Variants in KCNT2 observed in about 807,000 individuals in gnomAD.
KCNT2 encodes potassium sodium-activated channel subfamily T member 2.
A neutral mutation model predicts 153.8 loss-of-function variants in KCNT2; 67 were observed. The ratio of observed to expected loss-of-function variants is 0.44; its 90% CI spans 0.36 to 0.53. The LOEUF (loss-of-function observed/expected upper bound fraction) is 0.53. Among genes scored for constraint, KCNT2 ranks in the 20% least tolerant of loss-of-function variants. The pLI, the probability that KCNT2 is intolerant of heterozygous loss-of-function variation, is 0.00. For synonymous variants in KCNT2, 500 were observed against 458.8 expected (o/e 1.09, Z -1.15); for missense variants, 975 against 1,354.8 (o/e 0.72, Z 4.40).
chr1:196,255,664 T>C (rs1656420176), intron 26 of KCNT2, among the ~76,000 whole-genome samples: 1 of 151,894 alleles, frequency 6.6e-6, no homozygotes, highest in Admixed American at 6.6e-5. Flanking sequence ...AAGTAAAGGA[T>C]ACTTAATCAT....
At chr1:196,578,348 G>C (rs1333477455) in intron 1 of KCNT2, among the ~76,000 whole-genome samples, 1 of 152,140 alleles carries the variant, frequency 6.6e-6, no homozygotes, top group Non-Finnish European at 1.5e-5. Context: ...AAGTCACTCA[G>C]GGAACTGGGA....
intron 27 of KCNT2, 104 bp downstream of exon 27, chr1:196,235,882 C>G (rs1056553538): frequency 3.0e-6 from 2 of 675,466 alleles, no homozygotes; most frequent in African/African-American, 3.7e-5. Context: ...TATTTAAGCA[C>G]TTATAAGAAA....
chr1:196,425,760 G>T, intron 11 of KCNT2, 92 bp downstream of exon 11: 2 of 1,301,130 alleles, frequency 1.5e-6, no homozygotes, highest in Non-Finnish European at 2.2e-6. Context: ...AACACATCTT[G>T]CAACACTGAA....
intron 1 of KCNT2, among the ~76,000 whole-genome samples, chr1:196,534,102 GA>G (rs1001480208): frequency 1.4e-4 from 21 of 145,532 alleles, no homozygotes; most frequent in South Asian, 4.4e-4. Context: ...GATTGGTGGG[GA>G]AAAAAAAAAG....
At chr1:196,254,909 T>C (rs770825912) in intron 26 of KCNT2, among the ~76,000 whole-genome samples, 11 of 151,616 alleles carry the variant, frequency 7.3e-5, no homozygotes, top group Non-Finnish European at 1.5e-4. Context: ...CTGTTAGTTA[T>C]CTTGTTTTAT....
At chr1:196,585,178 C>T (rs553910513) in intron 1 of KCNT2, among the ~76,000 whole-genome samples, 6 of 151,954 alleles carry the variant, frequency 3.9e-5, no homozygotes, top group African/African-American at 9.6e-5. Flanking sequence ...AAATAATAAG[C>T]GCAAAAACTG....
At chr1:196,455,387 TC>T (rs1676573826) in intron 8 of KCNT2, among the ~76,000 whole-genome samples, 3 of 152,020 alleles carry the variant, frequency 2.0e-5, no homozygotes, top group Admixed American at 2.0e-4. Flanking sequence ...TCTTTTGTTT[TC>T]CTACCGGAAG....
intron 1 of KCNT2, among the ~76,000 whole-genome samples, chr1:196,507,631 T>C (rs1476352646): frequency 6.6e-6 from 1 of 152,132 alleles, no homozygotes; most frequent in Non-Finnish European, 1.5e-5. Flanking sequence ...TGCATTACTG[T>C]TTCCCTCATT....
chr1:196,543,336 T>C (rs1391556918), intron 1 of KCNT2, among the ~76,000 whole-genome samples: 1 of 152,128 alleles, frequency 6.6e-6, no homozygotes. Context: ...TAAAGTTTAA[T>C]CTCAGTAAAA....
At chr1:196,522,923 G>A (rs1284813374) in intron 1 of KCNT2, among the ~76,000 whole-genome samples, 1 of 152,198 alleles carries the variant, frequency 6.6e-6, no homozygotes, top group Non-Finnish European at 1.5e-5. Flanking sequence ...CAGGATGTGG[G>A]CAGGGACAAA....
intron 3 of KCNT2, among the ~76,000 whole-genome samples, chr1:196,487,409 A>AGTGTGT (rs56943556): frequency 0.31 from 45,356 of 146,318 alleles, 7,033 homozygotes; most frequent in Admixed American, 0.38. Context: ...CATGTTATGG[A>AGTGTGT]GTGTGTGTGT....
chr1:196,439,552 T>C (rs924104692), intron 8 of KCNT2, among the ~76,000 whole-genome samples: 2 of 151,916 alleles, frequency 1.3e-5, no homozygotes, highest in African/African-American at 2.4e-5. Flanking sequence ...AAATACAACC[T>C]ACAGATAGTA....
intron 1 of KCNT2, among the ~76,000 whole-genome samples, chr1:196,496,297 A>G (rs6657418): frequency 1 from 151,618 of 151,924 alleles, 75,657 homozygotes; most frequent in Middle Eastern, 1. Context: ...GTGAAACCCC[A>G]GCTCTACTAA....
At chr1:196,230,433 T>C (rs765538357) in intron 27 of KCNT2, among the ~76,000 whole-genome samples, 1 of 152,066 alleles carries the variant, frequency 6.6e-6, no homozygotes, top group Non-Finnish European at 1.5e-5. Context: ...AGGCACCTGG[T>C]CACCCAAGAG....
intron 23 of KCNT2, among the ~76,000 whole-genome samples, chr1:196,283,528 CTTATATTA>C (rs1470642925): frequency 6.6e-6 from 1 of 152,012 alleles, no homozygotes; most frequent in African/African-American, 2.4e-5. Context: ...CAGTGCATCT[CTTATATTA>C]TTGGAAAGGT....
Position 196,584,718 on chromosome 1 carries a change from G to A in KCNT2, c.95+23497C>T, listed in dbSNP as rs191827743. ...TTTTATATCAGATTTTATTTTAATAGTAAATATATAAGCTTTGCTAGAAAA... is the reference window on the plus strand; with the variant it reads ...TTTTATATCAGATTTTATTTTAATAATAAATATATAAGCTTTGCTAGAAAA... On this transcript the variant is annotated intron_variant, in intron 1 of 27. Transcript: ENST00000294725. 5.9e-5 allele frequency among the ~76,000 whole-genome samples: 9 copies of A among 152,184 alleles called. No individual in the cohort carries two copies. In the East Asian group the frequency reaches 1.7e-3, roughly 29 times the overall value.
rs1282119542 is a variant in KCNT2, at chr1:196,437,822, A to G, written c.639-8065T>C. On this transcript the variant is annotated intron_variant, in intron 8 of 27. Transcript: ENST00000294725. Reference sequence around the variant, plus strand: ...CACATTTATTCATACAAATAAATTTATTAATGTTTTACTAGCCAAGCATTG... The same window carrying G: ...CACATTTATTCATACAAATAAATTTGTTAATGTTTTACTAGCCAAGCATTG... Among the ~76,000 whole-genome samples the G allele has an allele frequency of 2.0e-5, 3 of 151,522 alleles. No individual in the cohort carries two copies. The South Asian group carries it at 6.2e-4, about 31-fold the overall frequency.
intron 5 of KCNT2, among the ~76,000 whole-genome samples, chr1:196,471,538 AT>A (rs1421678852): frequency 1.3e-5 from 2 of 150,382 alleles, no homozygotes. Context: ...TTCATTTTAC[AT>A]TTTTTTTTGG....
At chr1:196,374,113 T>C (rs1263362149) in intron 13 of KCNT2, among the ~76,000 whole-genome samples, 1 of 151,864 alleles carries the variant, frequency 6.6e-6, no homozygotes, top group African/African-American at 2.4e-5. Flanking sequence ...AACAAAAACC[T>C]GTTTTCCCAA....
Sources: allele counts gnomAD v4.1 joint callset (sites outside exome capture counted in the v4.1 genomes callset), GRCh38; gene constraint gnomAD v4.1.1; transcripts MANE v1.5; gene names NCBI Gene and HGNC (gene_info 2026-07-23, HGNC 2026-07-21).